WASF2: variants seen among roughly 807,000 people sequenced by gnomAD.
The protein encoded by WASF2 is WASP family member 2.
Under a neutral mutation model 45.0 loss-of-function variants are expected in WASF2, and 14 were observed. That is an observed-to-expected ratio of 0.31 (90% CI 0.21 to 0.49). The LOEUF (loss-of-function observed/expected upper bound fraction) is 0.49. Among genes scored for constraint, WASF2 ranks in the 20% least tolerant of loss-of-function variants. The pLI is 0.99. For synonymous variants in WASF2, 200 were observed against 236.3 expected, an observed-to-expected ratio of 0.85 and a Z score of 1.41; for missense variants, 439 against 636.1, an observed-to-expected ratio of 0.69 and a Z score of 3.33.
intron 1 of WASF2, among the ~76,000 whole-genome samples, chr1:27,487,952 G>A (rs1041647901): frequency 5.3e-5 from 8 of 151,404 alleles, no homozygotes; most frequent in Admixed American, 4.7e-4. Flanking sequence ...GAAGAAAACT[G>A]AACAAATTAC....
intron 1 of WASF2, among the ~76,000 whole-genome samples, chr1:27,430,881 G>A (rs1468584327): frequency 6.7e-6 from 1 of 149,790 alleles, no homozygotes; most frequent in Non-Finnish European, 1.5e-5. Flanking sequence ...TCACCAAAAC[G>A]TTGACTGTGA....
Position 27,414,304 on chromosome 1 carries a change from A to G in WASF2, c.668+529T>C, listed in dbSNP as rs1320846934. ...TTCTCCACAGAGATATATAGCCTCA[A>G]TACTGGCCAAGCAACCTTTCCCACA... On this transcript the variant is annotated intron_variant, in intron 6 of 8. Transcript: ENST00000618852. The surrounding 1 kb of genome is among the most constrained non-coding windows in gnomAD (Gnocchi z 4.1). Among the ~76,000 whole-genome samples the G allele has an allele frequency of 6.6e-6, 1 of 152,226 alleles. No homozygotes were observed. The highest frequency in any genetic ancestry group is 2.4e-5 in the African/African-American group (1 of 41,466).
chr1:27,427,492 TTCC>T (rs1007171018), intron 2 of WASF2, among the ~76,000 whole-genome samples: 1 of 152,212 alleles, frequency 6.6e-6, no homozygotes, highest in African/African-American at 2.4e-5. Flanking sequence ...CTTGATGTGC[TTCC>T]TCGTCAGCTG....
chr1:27,455,572 C>T (rs1203002270), intron 1 of WASF2, among the ~76,000 whole-genome samples: 1 of 152,336 alleles, frequency 6.6e-6, no homozygotes, highest in Admixed American at 6.5e-5. Flanking sequence ...TGTTTAGCCT[C>T]ATCTCTGGCC....
At chr1:27,475,345 G>A (rs1557621454) in intron 1 of WASF2, among the ~76,000 whole-genome samples, 1 of 152,082 alleles carries the variant, frequency 6.6e-6, no homozygotes, top group Non-Finnish European at 1.5e-5. Context: ...TGTTACCACC[G>A]TTCACTAATA....
chr1:27,474,201 T>C (rs545457488), intron 1 of WASF2, among the ~76,000 whole-genome samples: 56 of 152,204 alleles, frequency 3.7e-4, no homozygotes, highest in Non-Finnish European at 6.9e-4. Flanking sequence ...GGCTAGGAGA[T>C]AGATACATAG....
intron 1 of WASF2, among the ~76,000 whole-genome samples, chr1:27,437,806 G>C (rs1367891509): frequency 6.6e-6 from 1 of 152,066 alleles, no homozygotes; most frequent in African/African-American, 2.4e-5. Context: ...ATTTCTTTCA[G>C]CCATTGTCAT....
chr1:27,427,796 T>C (rs577186247), intron 2 of WASF2, among the ~76,000 whole-genome samples: 2 of 152,294 alleles, frequency 1.3e-5, no homozygotes, highest in Admixed American at 1.3e-4. Flanking sequence ...GAGGGGTGAC[T>C]ATCTGAAATA....
intron 1 of WASF2, chr1:27,459,528 G>A (rs1286223833): frequency 6.6e-6 from 1 of 151,322 alleles, no homozygotes; most frequent in South Asian, 2.1e-4. Context: ...AAAGAAAACA[G>A]CCACCAAGAA....
intron 1 of WASF2, among the ~76,000 whole-genome samples, chr1:27,487,242 A>T (rs2017942637): frequency 2.1e-5 from 3 of 145,648 alleles, no homozygotes; most frequent in Non-Finnish European, 3.0e-5. Flanking sequence ...CCGGGACTAC[A>T]GGCACCCGCC....
intron 3 of WASF2, 59 bp from the exon 4 acceptor site, chr1:27,418,481 G>A: frequency 6.2e-7 from 1 of 1,608,228 alleles, no homozygotes; most frequent in Non-Finnish European, 8.5e-7. Flanking sequence ...CAAACACTGA[G>A]TCACACCAGT....
chr1:27,474,058 G>A (rs904910583), intron 1 of WASF2, among the ~76,000 whole-genome samples: 4 of 152,168 alleles, frequency 2.6e-5, no homozygotes, highest in Admixed American at 2.0e-4. Flanking sequence ...TGGGGAGAAC[G>A]TGCAAACTAC....
intron 2 of WASF2, among the ~76,000 whole-genome samples, chr1:27,427,141 G>C (rs1432332522): frequency 2.0e-5 from 3 of 152,068 alleles, no homozygotes; most frequent in Non-Finnish European, 4.4e-5. Context: ...CAAGTTTATT[G>C]GATGAATAAA....
In WASF2 at chr1:27,405,552, T is replaced by G. The variant is rs1400114838; in HGVS notation, c.*2637A>C. The G allele has an allele frequency of 6.7e-6, 1 of 149,496 alleles. No individual in the cohort carries two copies. Among genetic ancestry groups the G allele is most frequent in the East Asian group, 2.1e-4 (1 of 4,862 alleles). 9.3% of individuals were successfully genotyped at this position (149,496 alleles called of 1,614,324 possible). On this transcript the variant is annotated 3_prime_UTR_variant, in exon 9 of 9. Coordinates refer to ENST00000618852, the MANE Select transcript of WASF2 (RefSeq NM_006990.5). ...ACGTGAGTCCAAAAACAGGATTACC[T>G]GCATTGGGTCCTTTATCATCTTAAA...
intron 1 of WASF2, among the ~76,000 whole-genome samples, chr1:27,484,337 C>T (rs1467676428): frequency 6.6e-6 from 1 of 152,162 alleles, no homozygotes; most frequent in East Asian, 1.9e-4. Context: ...CACCCAAATT[C>T]ATATGGCTGG....
chr1:27,441,322 G>A (rs1417707337), intron 1 of WASF2, among the ~76,000 whole-genome samples: 2 of 149,468 alleles, frequency 1.3e-5, no homozygotes, highest in Admixed American at 1.3e-4. Context: ...ACAAGGCCCT[G>A]TCTCTATAAA....
rs115136689 is a variant in WASF2 at position 27,471,877 on chromosome 1, T to C, written c.-44+18109A>G. ...TTATCAGCTCTACCTCCAAAATATA[T>C]ACTAAACACATCCATTTCTCTCCAT... On this transcript the variant is annotated intron_variant, in intron 1 of 8. Coordinates refer to ENST00000618852, the MANE Select transcript of WASF2 (RefSeq NM_006990.5). 2.9e-3 allele frequency among the ~76,000 whole-genome samples: 437 copies of C among 152,232 alleles called. 4 individuals carry two copies. Among genetic ancestry groups the C allele is most frequent in the African/African-American group, 0.01 (416 of 41,554 alleles).
At chr1:27,473,116 C>G (rs1290278567) in intron 1 of WASF2, among the ~76,000 whole-genome samples, 1 of 151,594 alleles carries the variant, frequency 6.6e-6, no homozygotes, top group African/African-American at 2.4e-5. Context: ...GAATAAAGAA[C>G]TATTAAAATA....
chr1:27,473,340 C>T lies in WASF2; in HGVS notation c.-44+16646G>A, dbSNP rs191344686. 1.3e-4 allele frequency among the ~76,000 whole-genome samples: 19 copies of T among 149,874 alleles called. No individual in the cohort carries two copies. In the East Asian group the frequency reaches 2.0e-3, roughly 16 times the overall value. ...CTAAAAATACAAAAAATTAGCCGGG[C>T]GTGGTGGCAGGTGCCTGTAGTCCCA... On this transcript the variant is annotated intron_variant, in intron 1 of 8. Coordinates refer to ENST00000618852, the MANE Select transcript of WASF2 (RefSeq NM_006990.5).
Sources: allele counts gnomAD v4.1 joint callset (sites outside exome capture counted in the v4.1 genomes callset), GRCh38; gene constraint gnomAD v4.1.1; non-coding constraint Gnocchi (gnomAD v3.1); transcripts MANE v1.5; gene names NCBI Gene and HGNC (gene_info 2026-07-23, HGNC 2026-07-21).